GIPC1: variants seen among roughly 807,000 people sequenced by gnomAD.
GIPC1 encodes PDZ domain-containing protein GIPC1.
In GIPC1, 15 loss-of-function variants were observed where a neutral mutation model predicts 28.5. The ratio of observed to expected loss-of-function variants is 0.53; its 90% CI spans 0.35 to 0.81. GIPC1 has a LOEUF of 0.81. Ranked by LOEUF, GIPC1 falls within the 30% of genes least tolerant of loss-of-function variation. GIPC1 has a pLI of 0.01. For missense variants in GIPC1, 439 were observed against 481.9 expected, an observed-to-expected ratio of 0.91 and a Z score of 0.83; for synonymous variants, 224 against 206.1, an observed-to-expected ratio of 1.09 and a Z score of -0.74.
At position 14,478,660 on chromosome 19, in the gene GIPC1, C is replaced by G. The variant is rs987811036; in HGVS notation, c.850+24G>C. The G allele has an allele frequency of 1.2e-6, 2 of 1,612,408 alleles. No homozygotes were observed. The highest frequency in any genetic ancestry group is 1.7e-6 in the Non-Finnish European group (2 of 1,178,550). Reference sequence around the variant, plus strand: ...GGCCCCCAGCAGACCTAGATGCCCCCTCCCCCAGGCAGCCCTCACTCACCC... The same window carrying G: ...GGCCCCCAGCAGACCTAGATGCCCCGTCCCCCAGGCAGCCCTCACTCACCC... On this transcript the variant is annotated intron_variant, in intron 8 of 8. Coordinates refer to ENST00000393033, the MANE Select transcript of GIPC1 (RefSeq NM_005716.4). The surrounding 1 kb of genome is among the most constrained non-coding windows in gnomAD (Gnocchi z 5.2).
At chr19:14,479,084 C>A (rs539595563) in intron 7 of GIPC1, among the ~76,000 whole-genome samples, 1 of 152,266 alleles carries the variant, frequency 6.6e-6, no homozygotes, top group Admixed American at 6.5e-5. Context: ...GTGGCTCATG[C>A]CTATAATCCC....
At chr19:14,491,474 G>A (rs1415536393) in intron 3 of GIPC1, among the ~76,000 whole-genome samples, 182 bp downstream of exon 3, 2 of 152,012 alleles carry the variant, frequency 1.3e-5, no homozygotes, top group Non-Finnish European at 2.9e-5. Context: ...GACCAGGCTG[G>A]TCTGGAACTC....
rs2071755567 is a variant in GIPC1 at position 14,482,695 on chromosome 19, A to G, written c.282T>C (p.Thr94=). The change falls in exon 4 of 9, where the codon ACT becomes ACC. Residue 94 remains threonine (T), a synonymous_variant. Transcript: ENST00000393033. ...CCGGCTCCCCAGTGGATACCTCGGC[A>G]GTTGGCAGGCGGAAGGCCTCGGCGA... is the stretch of plus-strand genomic sequence containing the variant. ...GKIAEAFRLP[T]AEVMFCTLNT... The G allele has an allele frequency of 6.2e-7, 1 of 1,611,220 alleles. No individual in the cohort carries two copies. Among genetic ancestry groups the G allele is most frequent in the Admixed American group, 1.7e-5 (1 of 59,952 alleles).
intron 3 of GIPC1, among the ~76,000 whole-genome samples, chr19:14,491,322 G>C (rs569730719): frequency 6.6e-6 from 1 of 151,606 alleles, no homozygotes; most frequent in African/African-American, 2.4e-5. Context: ...GCAATGGCGC[G>C]ATCTCGGCTC....
intron 1 of GIPC1, among the ~76,000 whole-genome samples, chr19:14,495,289 G>A (rs544604359): frequency 6.4e-4 from 97 of 151,482 alleles, no homozygotes; most frequent in African/African-American, 2.3e-3. Flanking sequence ...AAGACCAGCA[G>A]GTGTGGCCCT....
intron 4 of GIPC1, among the ~76,000 whole-genome samples, chr19:14,481,310 T>C (rs2071724098): frequency 6.6e-6 from 1 of 152,172 alleles, no homozygotes; most frequent in African/African-American, 2.4e-5. Flanking sequence ...AGCCTCATTA[T>C]GTTGCCCAGG....
chr19:14,478,198 G>T lies in GIPC1; in HGVS notation c.*218C>A. The T allele has an allele frequency of 1.8e-6, 1 of 548,952 alleles. No homozygotes were observed. The highest frequency in any genetic ancestry group is 3.2e-6 in the Non-Finnish European group (1 of 310,450). 34.0% of individuals were successfully genotyped at this position (548,952 alleles called of 1,614,324 possible). On this transcript the variant is annotated 3_prime_UTR_variant, in exon 9 of 9. Transcript: ENST00000393033. The surrounding 1 kb of genome is among the most constrained non-coding windows in gnomAD (Gnocchi z 5.2). ...CCCAGCTGAGGTAGGTGGGGAACAG[G>T]GCACAGGGGGGCCGGGGACCCCGGC... is the stretch of plus-strand genomic sequence containing the variant.
At chr19:14,492,238 T>C (rs2071989345) in intron 2 of GIPC1, among the ~76,000 whole-genome samples, 1 of 152,154 alleles carries the variant, frequency 6.6e-6, no homozygotes, top group South Asian at 2.1e-4. Context: ...AAATCATGCA[T>C]GTGCTTGGAA....
At position 14,480,461 on chromosome 19, in the gene GIPC1, C is replaced by G. The variant is rs1329844505; in HGVS notation, c.499G>C (p.Asp167His). ...CCCACGCTGATGAGGTGGATGTGGT[C>G]GATCACGCTGCCCTCCTTGATGCGC... is the stretch of plus-strand genomic sequence containing the variant. The part of the protein sequence containing the change: ...IKRIKEGSVI[D>H]HIHLISVGDM... Residue 167 changes from aspartate to histidine, a missense_variant, in exon 6 of 9, where the codon GAC (aspartate) becomes CAC (histidine). Transcript: ENST00000393033. 3.1e-6 allele frequency: 5 copies of G among 1,613,030 alleles called. No individual in the cohort carries two copies. Among genetic ancestry groups the G allele is most frequent in the Non-Finnish European group, 4.2e-6 (5 of 1,179,378 alleles).
rs149963340 is a variant in GIPC1, at chr19:14,484,111, G to C, written c.-30-1105C>G. On this transcript the variant is annotated intron_variant, in intron 3 of 8. Transcript: ENST00000393033. ...TGCCTCTCAGGTTCAAGTGATTCTT[G>C]AAGAAGAGACCCTGACTCTTTTTTT... 1.5e-3 allele frequency among the ~76,000 whole-genome samples: 221 copies of C among 145,206 alleles called. 1 individual carries two copies. The highest frequency in any genetic ancestry group is 5.3e-3 in the African/African-American group (209 of 39,350).
intron 3 of GIPC1, among the ~76,000 whole-genome samples, chr19:14,485,702 TAGAG>T (rs747570310): frequency 2.6e-3 from 152 of 58,656 alleles, no homozygotes; most frequent in South Asian, 5.8e-3. Context: ...TATATATATA[TAGAG>T]AGAGAGAGAG....
intron 3 of GIPC1, among the ~76,000 whole-genome samples, chr19:14,488,352 G>A (rs1001835936): frequency 6.6e-6 from 1 of 152,134 alleles, no homozygotes; most frequent in Non-Finnish European, 1.5e-5. Flanking sequence ...TCGGGAAGCT[G>A]AGGTGGGAGA....
At chr19:14,489,287 G>T in intron 3 of GIPC1, 2 of 716,100 alleles carry the variant, frequency 2.8e-6, no homozygotes, top group Admixed American at 2.0e-5. Context: ...TGGCTAACGA[G>T]GTCGATGACG....
chr19:14,484,295 C>A (rs768524251), intron 3 of GIPC1, among the ~76,000 whole-genome samples: 2 of 151,770 alleles, frequency 1.3e-5, no homozygotes, highest in South Asian at 2.1e-4. Context: ...GCCACCACAC[C>A]GGGGTAATTT....
chr19:14,480,168 T>C, intron 6 of GIPC1, 137 bp downstream of exon 6: 1 of 719,194 alleles, frequency 1.4e-6, no homozygotes, highest in Non-Finnish European at 2.3e-6. Context: ...CGGGAGGAGC[T>C]GCAACCCCTT....
chr19:14,488,520 A>C (rs1182906673), intron 3 of GIPC1, among the ~76,000 whole-genome samples: 1 of 151,952 alleles, frequency 6.6e-6, no homozygotes, highest in Admixed American at 6.6e-5. Context: ...TTGGAAGGCC[A>C]AGGCAGGCGG....
intron 3 of GIPC1, among the ~76,000 whole-genome samples, chr19:14,486,715 T>TC (rs1159624388): frequency 5.7e-4 from 82 of 143,468 alleles, no homozygotes; most frequent in Non-Finnish European, 6.4e-4. Context: ...TTTCTTTCTT[T>TC]TTTTTTTTTT....
rs775587781 is a variant in GIPC1, at chr19:14,478,487, A to C, written c.931T>G (p.Phe311Val). Residue 311 changes from phenylalanine (F) to valine (V), a missense_variant, in exon 9 of 9, where the codon TTT (phenylalanine) becomes GTT (valine). By Grantham distance (50) the Phe-to-Val change is conservative. Transcript: ENST00000393033. This position sits in a 1 kb window ranked among gnomAD's most constrained non-coding sequence, Gnocchi z 5.2. ...AAGACGAACTCGTCAGGGAAGGCAA[A>C]GTCACCCAGCCGTTCGTCCAGGGCC... is the stretch of plus-strand genomic sequence containing the variant. ...AEALDERLGD[F>V]AFPDEFVFDV... The C allele has an allele frequency of 1.2e-6, 2 of 1,613,668 alleles. No individual in the cohort carries two copies. The highest frequency in any genetic ancestry group is 1.7e-6 in the Non-Finnish European group (2 of 1,179,942).
intron 1 of GIPC1, among the ~76,000 whole-genome samples, chr19:14,493,351 T>C (rs1428517225): frequency 2.6e-5 from 4 of 152,224 alleles, no homozygotes; most frequent in African/African-American, 7.2e-5. Flanking sequence ...ATCTCCTTAC[T>C]GTGACCCACA....
Sources: gnomAD v4.1 joint callset for allele counts (sites outside exome capture counted in the v4.1 genomes callset) on GRCh38, gnomAD v4.1.1 for gene constraint, Gnocchi (gnomAD v3.1) non-coding constraint, MANE v1.5 for transcripts, NCBI Gene and HGNC (gene_info 2026-07-23, HGNC 2026-07-21) for gene names.